The following ADARB2 variants were observed in gnomAD, a reference collection of about 807,000 sequenced individuals.
ADARB2 encodes inactive double-stranded RNA-specific editase B2.
In ADARB2, 25 loss-of-function variants were observed where a neutral mutation model predicts 62.2. The ratio of observed to expected loss-of-function variants is 0.40; its 90% confidence interval spans 0.29 to 0.56. The LOEUF (loss-of-function observed/expected upper bound fraction) is 0.56, where lower values mean the gene tolerates loss of function less well. ADARB2 is among the 20% of genes least tolerant of loss of function. The probability of loss-of-function intolerance (pLI) is 0.43; values close to 1 mark genes in which losing one functional copy is unlikely to be tolerated. For synonymous variants in ADARB2, 572 were observed against 500.8 expected (o/e 1.14, Z -1.90); for missense variants, 1,071 against 1,077.4 (o/e 0.99, Z 0.08).
intron 8 of ADARB2, among the ~76,000 whole-genome samples, chr10:1,197,289 A>T (rs1836923761): frequency 1.3e-5 from 2 of 152,048 alleles, no homozygotes; most frequent in Non-Finnish European, 2.9e-5. Context: ...CTGGACTCAT[A>T]AAAAAAATGG....
At chr10:1,470,571 C>G (rs1324817906) in intron 1 of ADARB2, among the ~76,000 whole-genome samples, 1 of 152,246 alleles carries the variant, frequency 6.6e-6, no homozygotes, top group Non-Finnish European at 1.5e-5. Flanking sequence ...AGCCCTTTCA[C>G]AGCCAGAACT....
chr10:1,380,838 G>A (rs1018784084), intron 1 of ADARB2, among the ~76,000 whole-genome samples: 1 of 152,196 alleles, frequency 6.6e-6, no homozygotes, highest in Non-Finnish European at 1.5e-5. Context: ...ATTTCATTAA[G>A]GGAGTCCAAT....
intron 1 of ADARB2, among the ~76,000 whole-genome samples, chr10:1,691,834 G>A (rs1484405232): frequency 1.3e-5 from 2 of 152,138 alleles, no homozygotes; most frequent in African/African-American, 4.8e-5. Context: ...CCTCCAGATA[G>A]GGCAGCTGTT....
At chr10:1,483,881 CTT>C (rs1487544225) in intron 1 of ADARB2, among the ~76,000 whole-genome samples, 1 of 152,216 alleles carries the variant, frequency 6.6e-6, no homozygotes, top group Non-Finnish European at 1.5e-5. Context: ...ACGGAAGTAA[CTT>C]AAATGAAAAA....
At chr10:1,415,375 G>A (rs1378221070) in intron 1 of ADARB2, among the ~76,000 whole-genome samples, 1 of 152,082 alleles carries the variant, frequency 6.6e-6, no homozygotes, top group Non-Finnish European at 1.5e-5. Context: ...ATAGATGGGT[G>A]GATATAAGAA....
At chr10:1,549,193 G>C (rs924015281) in intron 1 of ADARB2, among the ~76,000 whole-genome samples, 1 of 147,718 alleles carries the variant, frequency 6.8e-6, no homozygotes, top group Non-Finnish European at 1.5e-5. Context: ...AAGGTGGAGT[G>C]GGGTGGGGCG....
intron 1 of ADARB2, among the ~76,000 whole-genome samples, chr10:1,638,731 ATGG>A (rs532568704): frequency 3.4e-4 from 52 of 152,332 alleles, no homozygotes; most frequent in Admixed American, 9.2e-4. Flanking sequence ...CATCTAATAA[ATGG>A]TGGTTCCCAC....
intron 6 of ADARB2, among the ~76,000 whole-genome samples, chr10:1,233,140 C>T (rs753686582): frequency 1.3e-5 from 2 of 152,132 alleles, no homozygotes; most frequent in East Asian, 1.9e-4. Context: ...AGCATCACTG[C>T]CCTTTGCTGA....
chr10:1,459,011 G>T (rs966122325), intron 1 of ADARB2, among the ~76,000 whole-genome samples: 1 of 152,188 alleles, frequency 6.6e-6, no homozygotes, highest in African/African-American at 2.4e-5. Flanking sequence ...ACACAAGTCA[G>T]AATGGCTATT....
chr10:1,259,173 G>C (rs562881902), intron 4 of ADARB2, among the ~76,000 whole-genome samples: 1 of 152,104 alleles, frequency 6.6e-6, no homozygotes, highest in Non-Finnish European at 1.5e-5. Context: ...AATTTATAGT[G>C]CTAAATGCCC....
Position 1,639,136 on chromosome 10 carries a change from G to T in ADARB2, c.100+97915C>A, listed in dbSNP as rs549445931. ...CACTTCAGGAGAATGGGAGGGCCAT[G>T]GTCCCATGGGCATGAGTGCTCTCCT... is the stretch of plus-strand genomic sequence containing the variant. On this transcript the variant is annotated intron_variant, in intron 1 of 9. Transcript: ENST00000381312. 2.6e-5 allele frequency among the ~76,000 whole-genome samples: 4 copies of T among 152,346 alleles called. No homozygotes were observed. The East Asian group carries it at 7.7e-4, about 29-fold the overall frequency.
rs11250513 is a variant in ADARB2 at position 1,439,215 on chromosome 10, C to T, written c.101-60055G>A. Among the ~76,000 whole-genome samples, 644 of 108,912 alleles carry T rather than the reference C, an allele frequency of 5.9e-3. 1 individual carries two copies. Among genetic ancestry groups the T allele is most frequent in the African/African-American group, 0.015 (323 of 20,978 alleles). The allele number at this position is 108,912 out of a possible 152,430, so 71.5% of individuals were successfully genotyped here. A position where few individuals can be genotyped will look rare whatever the true frequency, so the allele number is the denominator to read the frequency against. ...GAGGCAGGTTCTTCACTATGGGACT[C>T]CTGAGTCTCTCCCAGGATGGAGGCA... On this transcript the variant is annotated intron_variant, in intron 1 of 9. Coordinates refer to ENST00000381312, the MANE Select transcript of ADARB2 (RefSeq NM_018702.4).
intron 1 of ADARB2, among the ~76,000 whole-genome samples, chr10:1,604,561 A>T (rs1412558303): frequency 6.6e-6 from 1 of 152,218 alleles, no homozygotes; most frequent in Non-Finnish European, 1.5e-5. Context: ...TTTTCACACC[A>T]CAATCAGAAA....
At chr10:1,293,735 G>A (rs981232011) in intron 3 of ADARB2, among the ~76,000 whole-genome samples, 2 of 152,172 alleles carry the variant, frequency 1.3e-5, no homozygotes, top group African/African-American at 2.4e-5. Context: ...AACTGACAAG[G>A]GGAAATAAAT....
rs1831482385 is a variant in ADARB2 at position 1,482,181 on chromosome 10, A to G, written c.101-103021T>C. 2.6e-5 allele frequency among the ~76,000 whole-genome samples: 4 copies of G among 152,234 alleles called. No individual in the cohort carries two copies. In the South Asian group the frequency reaches 8.3e-4, roughly 32 times the overall value. ...GGTGCAGCCACTTGGGAAGAACAGT[A>G]TGGCGGTTCCTTGGGAAAAGTAAGC... On this transcript the variant is annotated intron_variant, in intron 1 of 9. Coordinates refer to ENST00000381312, the MANE Select transcript of ADARB2 (RefSeq NM_018702.4).
At chr10:1,585,964 G>T (rs1328637545) in intron 1 of ADARB2, among the ~76,000 whole-genome samples, 2 of 152,138 alleles carry the variant, frequency 1.3e-5, no homozygotes, top group African/African-American at 2.4e-5. Flanking sequence ...AACCTGGGAG[G>T]CGGAGCTTGC....
intron 1 of ADARB2, among the ~76,000 whole-genome samples, chr10:1,519,576 G>A (rs1407898299): frequency 6.6e-6 from 1 of 152,182 alleles, no homozygotes; most frequent in African/African-American, 2.4e-5. Context: ...GCCCTACTGT[G>A]GTTCAGGTGG....
intron 4 of ADARB2, among the ~76,000 whole-genome samples, chr10:1,254,837 A>G (rs1177701942): frequency 1.3e-5 from 2 of 152,240 alleles, no homozygotes; most frequent in Non-Finnish European, 2.9e-5. Context: ...TCTACAAAGA[A>G]AACCCACTCT....
intron 1 of ADARB2, among the ~76,000 whole-genome samples, chr10:1,570,381 C>T (rs1473734614): frequency 1.3e-5 from 2 of 152,126 alleles, no homozygotes; most frequent in African/African-American, 2.4e-5. Context: ...CTTTTGGGTC[C>T]CCCAGCACCT....
Sources: allele counts gnomAD v4.1 joint callset (sites outside exome capture counted in the v4.1 genomes callset), GRCh38; gene constraint gnomAD v4.1.1; transcripts MANE v1.5; gene names NCBI Gene and HGNC (gene_info 2026-07-23, HGNC 2026-07-21).